Variants in GRIN2B observed in about 807,000 individuals in gnomAD.
GRIN2B encodes glutamate receptor ionotropic, NMDA 2B.
Under a neutral mutation model 114.5 loss-of-function variants are expected in GRIN2B, and 5 were observed. The ratio of observed to expected loss-of-function variants is 0.04; its 90% CI spans 0.02 to 0.09. GRIN2B has a LOEUF of 0.09. GRIN2B is among the 10% of genes least tolerant of loss of function. The pLI is 1.00. For synonymous variants in GRIN2B, 787 were observed against 745.1 expected (o/e 1.06, Z -0.92); for missense variants, 1,108 against 1,943.5 (o/e 0.57, Z 8.08).
At chr12:13,835,802 C>T (rs959580551) in intron 3 of GRIN2B, among the ~76,000 whole-genome samples, 39 of 145,942 alleles carry the variant, frequency 2.7e-4, no homozygotes, top group African/African-American at 9.6e-4. Context: ...AAAAGAAAGC[C>T]AGCAGGAATA....
intron 4 of GRIN2B, among the ~76,000 whole-genome samples, chr12:13,733,905 C>A (rs1863133958): frequency 6.6e-6 from 1 of 152,162 alleles, no homozygotes; most frequent in South Asian, 2.1e-4. Flanking sequence ...GAAAACCAAT[C>A]AAAGTCTGAA....
chr12:13,954,563 A>G (rs924643187), intron 2 of GRIN2B, among the ~76,000 whole-genome samples: 3 of 151,978 alleles, frequency 2.0e-5, no homozygotes, highest in Admixed American at 6.6e-5. Flanking sequence ...TAATCCCAGC[A>G]CTTTGGGAGG....
chr12:13,965,118 T>A (rs1867766527), intron 2 of GRIN2B, among the ~76,000 whole-genome samples: 2 of 152,218 alleles, frequency 1.3e-5, no homozygotes, highest in South Asian at 4.1e-4. Flanking sequence ...TAAACTTTTC[T>A]TACTTTTCCT....
chr12:13,714,209 A>G (rs567831846), intron 4 of GRIN2B, among the ~76,000 whole-genome samples: 17 of 151,758 alleles, frequency 1.1e-4, no homozygotes, highest in South Asian at 2.1e-4. Context: ...ATTGGGTGCT[A>G]CCTGATGTAA....
intron 4 of GRIN2B, among the ~76,000 whole-genome samples, chr12:13,748,841 G>C (rs1323651388): frequency 6.6e-6 from 1 of 152,162 alleles, no homozygotes; most frequent in East Asian, 1.9e-4. Context: ...CATGAAATCT[G>C]AATTTCAGAT....
In GRIN2B at chr12:13,550,310, G is replaced by A. The variant is rs906426643; in HGVS notation, c.*12473C>T. The A allele has an allele frequency of 6.6e-6, 1 of 152,194 alleles. No individual in the cohort carries two copies. Among genetic ancestry groups the A allele is most frequent in the Admixed American group, 6.5e-5 (1 of 15,284 alleles). The allele number at this position is 152,194 out of a possible 1,614,324, so 9.4% of individuals were successfully genotyped here. On this transcript the variant is annotated 3_prime_UTR_variant, in exon 14 of 14. Coordinates refer to ENST00000609686, the MANE Select transcript of GRIN2B (RefSeq NM_000834.5). ...ACTCCACCATTCCCCAAGGAGGGGA[G>A]CAGAGGCAGGCTAGAACTGCAGGAG... is the stretch of plus-strand genomic sequence containing the variant.
At chr12:13,736,314 C>T (rs1256819787) in intron 4 of GRIN2B, among the ~76,000 whole-genome samples, 2 of 152,138 alleles carry the variant, frequency 1.3e-5, no homozygotes, top group Admixed American at 6.5e-5. Flanking sequence ...CTCTCCCTTT[C>T]TGGTTCTCAA....
intron 3 of GRIN2B, among the ~76,000 whole-genome samples, chr12:13,864,545 C>T (rs986714442): frequency 2.6e-5 from 4 of 152,124 alleles, no homozygotes; most frequent in African/African-American, 4.8e-5. Context: ...TATTCTAAGA[C>T]GTGAATGGCT....
At chr12:13,626,010 T>C (rs970161608) in intron 5 of GRIN2B, among the ~76,000 whole-genome samples, 2 of 152,122 alleles carry the variant, frequency 1.3e-5, no homozygotes, top group Non-Finnish European at 2.9e-5. Context: ...GCCTCTTGGC[T>C]CAAGGGCTCA....
intron 2 of GRIN2B, among the ~76,000 whole-genome samples, chr12:13,945,517 A>G (rs563087730): frequency 2.0e-5 from 3 of 152,296 alleles, no homozygotes; most frequent in African/African-American, 7.2e-5. Context: ...CAGAACAGTG[A>G]TAAGTTCCTG....
intron 3 of GRIN2B, among the ~76,000 whole-genome samples, chr12:13,826,651 T>A (rs868561234): frequency 7.2e-5 from 11 of 152,254 alleles, no homozygotes; most frequent in African/African-American, 2.4e-4. Context: ...TTTTTTTTAG[T>A]TTGGGATTTA....
intron 2 of GRIN2B, among the ~76,000 whole-genome samples, chr12:13,866,666 A>G (rs1039789577): frequency 1.3e-5 from 2 of 152,170 alleles, no homozygotes; most frequent in Non-Finnish European, 2.9e-5. Context: ...CATGGGCTGG[A>G]TAAACTGGAT....
intron 2 of GRIN2B, among the ~76,000 whole-genome samples, chr12:13,964,894 A>G (rs1867762975): frequency 6.6e-6 from 1 of 152,214 alleles, no homozygotes; most frequent in African/African-American, 2.4e-5. Context: ...TTCTTTGTTC[A>G]GACCTGAGAA....
chr12:13,709,146 G>C (rs1950391574), intron 4 of GRIN2B, among the ~76,000 whole-genome samples: 1 of 151,986 alleles, frequency 6.6e-6, no homozygotes, highest in Non-Finnish European at 1.5e-5. Context: ...TGAGGTCTCT[G>C]AGAATAAAAT....
intron 4 of GRIN2B, among the ~76,000 whole-genome samples, chr12:13,699,220 C>T (rs967509330): frequency 6.6e-6 from 1 of 152,078 alleles, no homozygotes; most frequent in Non-Finnish European, 1.5e-5. Context: ...TATTATATGC[C>T]TTGGGAAAGT....
At chr12:13,850,240 C>T (rs541535712) in intron 3 of GRIN2B, among the ~76,000 whole-genome samples, 41 of 152,182 alleles carry the variant, frequency 2.7e-4, no homozygotes, top group Non-Finnish European at 5.0e-4. Flanking sequence ...TCTTCCTTGT[C>T]AACTTCTCAT....
intron 10 of GRIN2B, among the ~76,000 whole-genome samples, chr12:13,580,256 G>C (rs985203014): frequency 1.3e-5 from 2 of 152,190 alleles, no homozygotes; most frequent in African/African-American, 4.8e-5. Context: ...AGGATGGTGA[G>C]GAACTGCCTT....
chr12:13,545,664 C>T lies in GRIN2B; in HGVS notation c.*17119G>A, dbSNP rs1281449704. ...TGATTTTTCTGGTTTGAGAATTGTC[C>T]TTGGGTTAATTATTATTTTTAATAG... On this transcript the variant is annotated 3_prime_UTR_variant, in exon 14 of 14. Coordinates refer to ENST00000609686, the MANE Select transcript of GRIN2B (RefSeq NM_000834.5). The T allele has an allele frequency of 1.3e-5, 2 of 152,088 alleles. No homozygotes were observed. The highest frequency in any genetic ancestry group is 2.1e-4 in the South Asian group (1 of 4,818). 9.4% of individuals were successfully genotyped at this position (152,088 alleles called of 1,614,324 possible).
At chr12:13,686,891 T>C (rs1950177982) in intron 4 of GRIN2B, among the ~76,000 whole-genome samples, 2 of 152,340 alleles carry the variant, frequency 1.3e-5, no homozygotes, top group South Asian at 4.1e-4. Context: ...GGAAGCTGTT[T>C]GGGTCATGAA....
Sources: allele counts gnomAD v4.1 joint callset (sites outside exome capture counted in the v4.1 genomes callset), GRCh38; gene constraint gnomAD v4.1.1; transcripts MANE v1.5; gene names NCBI Gene and HGNC (gene_info 2026-07-23, HGNC 2026-07-21).